Variants in NF1 observed in about 807,000 individuals in gnomAD.
NF1 encodes neurofibromin.
In NF1, 122 loss-of-function variants were observed where a neutral mutation model predicts 325.7. That is an observed-to-expected ratio of 0.37 (90% confidence interval 0.32 to 0.44). The LOEUF (loss-of-function observed/expected upper bound fraction) is 0.44. Ranked by LOEUF, NF1 falls within the 20% of genes least tolerant of loss-of-function variation. NF1 has a pLI of 1.00. For missense variants in NF1, 2,140 were observed against 3,415.4 expected, an observed-to-expected ratio of 0.63 and a Z score of 9.31; for synonymous variants, 1,091 against 1,186.0, an observed-to-expected ratio of 0.92 and a Z score of 1.65.
intron 4 of NF1, among the ~76,000 whole-genome samples, chr17:31,169,482 A>C (rs973273722): frequency 1.3e-5 from 2 of 152,072 alleles, no homozygotes; most frequent in African/African-American, 2.4e-5. Flanking sequence ...CTTTACTCTT[A>C]TGAACTCATC....
intron 8 of NF1, among the ~76,000 whole-genome samples, chr17:31,188,160 A>G (rs2066275882): frequency 6.6e-6 from 1 of 152,132 alleles, no homozygotes; most frequent in African/African-American, 2.4e-5. Flanking sequence ...GAAAAAAACC[A>G]CCACCTGCTG....
intron 1 of NF1, among the ~76,000 whole-genome samples, chr17:31,100,489 T>C (rs1418959955): frequency 6.6e-6 from 1 of 152,206 alleles, no homozygotes; most frequent in African/African-American, 2.4e-5. Flanking sequence ...TTTTAGTATA[T>C]GTGGTGCTGA....
intron 12 of NF1, among the ~76,000 whole-genome samples, chr17:31,207,450 T>C (rs1262687564): frequency 6.6e-6 from 1 of 152,194 alleles, no homozygotes; most frequent in Non-Finnish European, 1.5e-5. Flanking sequence ...TGTGGTTCAC[T>C]CTTATCCAGT....
In NF1 at chr17:31,233,127, T is replaced by G. The variant is rs2151435620; in HGVS notation, c.3622T>G (p.Leu1208Val). 1 of 1,614,096 alleles carries G rather than the reference T, an allele frequency of 6.2e-7. No individual in the cohort carries two copies. Among genetic ancestry groups the G allele is most frequent in the Non-Finnish European group, 8.5e-7 (1 of 1,180,016 alleles). ...AGTATTGGCTGATCGGTTTGAGAGATTGGTGGAACTGGTCACAATGATGGG... is the reference window on the plus strand; with the variant it reads ...AGTATTGGCTGATCGGTTTGAGAGAGTGGTGGAACTGGTCACAATGATGGG... Reference protein sequence around the residue: ...ETVLADRFERLVELVTMMGDQ... With the variant: ...ETVLADRFERVVELVTMMGDQ... Residue 1208 changes from leucine to valine, a missense_variant, in exon 27 of 58, where the codon TTG (leucine) becomes GTG (valine). Physicochemically the swap from Leu to Val is conservative, Grantham distance 32. Transcript: ENST00000358273.
intron 1 of NF1, among the ~76,000 whole-genome samples, chr17:31,142,458 C>T (rs1916287378): frequency 6.6e-6 from 1 of 152,122 alleles, no homozygotes; most frequent in Admixed American, 6.5e-5. Flanking sequence ...AGGTTTTTTC[C>T]TCCTCATTCT....
At chr17:31,230,541 A>C (rs2067096019) in intron 23 of NF1, among the ~76,000 whole-genome samples, 159 bp downstream of exon 23, 1 of 152,154 alleles carries the variant, frequency 6.6e-6, no homozygotes, top group Admixed American at 6.6e-5. Context: ...AAATTTCCCT[A>C]AGCTTTGTGC....
chr17:31,293,851 A>C (rs887270859), intron 36 of NF1, among the ~76,000 whole-genome samples: 1 of 152,074 alleles, frequency 6.6e-6, no homozygotes, highest in African/African-American at 2.4e-5. Flanking sequence ...GCTGTTTCTT[A>C]TGTTTGTCAC....
chr17:31,229,816 G>A lies in NF1; in HGVS notation c.2851-19G>A, dbSNP rs763885879. 6.8e-6 allele frequency: 11 copies of A among 1,611,226 alleles called. No homozygotes were observed. The highest frequency in any genetic ancestry group is 9.3e-6 in the Non-Finnish European group (11 of 1,179,456). On this transcript the variant is annotated intron_variant, in intron 21 of 57. Coordinates refer to ENST00000358273, the MANE Select transcript of NF1 (RefSeq NM_001042492.3). ...TGGGCATTGATGGCAAATCATTAAT[G>A]TATTTGTTCTTTCTTTAGGTTTTAT...
In NF1 at chr17:31,233,224, A is replaced by C. The variant is rs373751277; in HGVS notation, c.3708+11A>C. Reference sequence around the variant, plus strand: ...CCTTGTTCTCAGTGGGTAAGTGATTAGAGTAAGCGGGGAAGAAAAGTGCCT... The same window carrying C: ...CCTTGTTCTCAGTGGGTAAGTGATTCGAGTAAGCGGGGAAGAAAAGTGCCT... On this transcript the variant is annotated intron_variant, in intron 27 of 57. Transcript: ENST00000358273. 3.1e-6 allele frequency: 5 copies of C among 1,612,350 alleles called. No individual in the cohort carries two copies. In the African/African-American group the frequency reaches 6.7e-5, roughly 22 times the overall value.
intron 23 of NF1, among the ~76,000 whole-genome samples, 199 bp from the exon 24 acceptor site, chr17:31,230,643 G>C (rs1378242217): frequency 3.3e-5 from 5 of 152,140 alleles, no homozygotes; most frequent in Non-Finnish European, 7.4e-5. Flanking sequence ...TAAGGGCCAT[G>C]ATGGAGGATA....
At chr17:31,329,522 ATTTCC>A (rs2151543605) in intron 38 of NF1, among the ~76,000 whole-genome samples, 1 of 152,322 alleles carries the variant, frequency 6.6e-6, no homozygotes, top group African/African-American at 2.4e-5. Context: ...TGAACAAACT[ATTTCC>A]TTTACTGGAC....
chr17:31,358,909 T>C lies in NF1; in HGVS notation c.8114-60T>C, dbSNP rs76541334. ...ATCATCAGCTATATGACTTATTTAATTTCTGTTACAATTAAAAGATACCTT... is the reference window on the plus strand; with the variant it reads ...ATCATCAGCTATATGACTTATTTAACTTCTGTTACAATTAAAAGATACCTT... On this transcript the variant is annotated intron_variant, in intron 55 of 57. Transcript: ENST00000358273. 94 of 1,443,012 alleles carry C rather than the reference T, an allele frequency of 6.5e-5. No individual in the cohort carries two copies. The East Asian group carries it at 2.0e-3, about 30-fold the overall frequency. 89.4% of individuals were successfully genotyped at this position (1,443,012 alleles called of 1,614,324 possible).
intron 1 of NF1, among the ~76,000 whole-genome samples, chr17:31,105,873 C>A (rs57548530): frequency 6.6e-6 from 1 of 152,124 alleles, no homozygotes; most frequent in Non-Finnish European, 1.5e-5. Flanking sequence ...CGTGTCCCAC[C>A]CCCACCAGCA....
intron 1 of NF1, among the ~76,000 whole-genome samples, chr17:31,146,409 GTCCA>G (rs112178514): frequency 0.26 from 38,623 of 148,424 alleles, 5,696 homozygotes; most frequent in East Asian, 0.47. Flanking sequence ...TAATCTGTCT[GTCCA>G]TCCATCCATC....
chr17:31,340,307 A>G (rs1416659601), intron 46 of NF1, 198 bp from the exon 47 acceptor site: 1 of 628,598 alleles, frequency 1.6e-6, no homozygotes, highest in Non-Finnish European at 2.7e-6. Context: ...GTGCTAAGTA[A>G]CGTTCTCAGT....
In NF1 at chr17:31,327,716, C is replaced by G. The variant is rs2069382135; in HGVS notation, c.5486C>G (p.Thr1829Ser). Residue 1829 changes from threonine to serine, a missense_variant, in exon 38 of 58, where the codon ACC becomes AGC. Around this residue, in one of 10 missense-constraint regions of NF1, gnomAD observed 147 missense variants for 186.7 expected, o/e 0.79. Coordinates refer to ENST00000358273, the MANE Select transcript of NF1 (RefSeq NM_001042492.3). The stretch of plus-strand genomic sequence containing the variant: ...GTCCAGTCTATCATTCATATCCGGA[C>G]CCGCTGGGAACTGTCACAGCCCGAC... ...AIVQSIIHIR[T>S]RWELSQPDSI... 1 of 1,614,032 alleles carries G rather than the reference C, an allele frequency of 6.2e-7. No homozygotes were observed. The highest frequency in any genetic ancestry group is 8.5e-7 in the Non-Finnish European group (1 of 1,180,034).
intron 34 of NF1, 144 bp downstream of exon 34, chr17:31,260,659 A>C: frequency 9.4e-7 from 1 of 1,061,976 alleles, no homozygotes; most frequent in African/African-American, 1.6e-5. Flanking sequence ...TCTTTTTTTC[A>C]AAAAAATACA....
intron 4 of NF1, among the ~76,000 whole-genome samples, chr17:31,165,450 G>A (rs540350109): frequency 6.6e-6 from 1 of 152,254 alleles, no homozygotes; most frequent in African/African-American, 2.4e-5. Context: ...GTTTAGTTTA[G>A]GTTGGAACAT....
At chr17:31,260,960 C>T (rs894747262) in intron 34 of NF1, among the ~76,000 whole-genome samples, 22 of 152,106 alleles carry the variant, frequency 1.4e-4, no homozygotes, top group African/African-American at 2.9e-4. Flanking sequence ...TAGAAAATAC[C>T]GGCCTGGCAC....
Sources: allele counts gnomAD v4.1 joint callset (sites outside exome capture counted in the v4.1 genomes callset), GRCh38; gene constraint gnomAD v4.1.1; regional missense constraint gnomAD v4.1.1; transcripts MANE v1.5; gene names NCBI Gene and HGNC (gene_info 2026-07-23, HGNC 2026-07-21).